Variants in SWAP70 observed in about 807,000 individuals in gnomAD.
SWAP70 encodes the protein switching B cell complex subunit SWAP70.
Under a neutral mutation model 80.2 loss-of-function variants are expected in SWAP70, and 34 were observed. The ratio of observed to expected loss-of-function variants is 0.42; its 90% CI spans 0.32 to 0.56. SWAP70 has a LOEUF of 0.56. Among genes scored for constraint, SWAP70 ranks in the 20% least tolerant of loss-of-function variants. The probability of loss-of-function intolerance (pLI) is 0.09; values close to 1 mark genes in which losing one functional copy is unlikely to be tolerated. For synonymous variants in SWAP70, 239 were observed against 238.5 expected (o/e 1.00, Z -0.02); for missense variants, 578 against 690.7 (o/e 0.84, Z 1.83).
At chr11:9,684,960 C>A (rs1467301868) in intron 1 of SWAP70, among the ~76,000 whole-genome samples, 1 of 152,154 alleles carries the variant, frequency 6.6e-6, no homozygotes, top group Admixed American at 6.6e-5. Flanking sequence ...AAGGAACTTA[C>A]AGAGTAGTGA....
At chr11:9,747,759 G>A (rs926588181) in intron 9 of SWAP70, 99 bp from the exon 10 acceptor site, 25 of 1,133,274 alleles carry the variant, frequency 2.2e-5, no homozygotes, top group Non-Finnish European at 2.9e-5. Flanking sequence ...GGGATTAGAC[G>A]ACCTCAAATA....
intron 1 of SWAP70, 83 bp downstream of exon 1, chr11:9,664,361 G>T: frequency 6.9e-7 from 1 of 1,446,752 alleles, no homozygotes. Flanking sequence ...GGACCTGGCG[G>T]GCCGTGACCG....
intron 2 of SWAP70, among the ~76,000 whole-genome samples, chr11:9,702,886 G>T (rs1244005344): frequency 1.3e-5 from 2 of 152,178 alleles, no homozygotes; most frequent in Non-Finnish European, 1.5e-5. Context: ...AGCAATGTGA[G>T]TCATGTACTG....
chr11:9,738,177 A>G (rs771081365), intron 7 of SWAP70, 36 bp from the exon 8 acceptor site: 6 of 1,518,950 alleles, frequency 4.0e-6, no homozygotes, highest in Non-Finnish European at 5.4e-6. Context: ...CTACTCTAAC[A>G]CCTGCTTTTC....
At position 9,664,380 on chromosome 11, in the gene SWAP70, G is replaced by C. The variant is rs540044485; in HGVS notation, c.99+102G>C. The C allele has an allele frequency of 2.6e-3, 3,558 of 1,365,390 alleles. 8 individuals are homozygous for C. Among genetic ancestry groups the C allele is most frequent in the Non-Finnish European group, 3.2e-3 (3,183 of 1,008,102 alleles). 84.6% of individuals were successfully genotyped at this position (1,365,390 alleles called of 1,614,324 possible). A position where few individuals can be genotyped will look rare whatever the true frequency, so the allele number is the denominator to read the frequency against. The stretch of plus-strand genomic sequence containing the variant: ...CTGGCGGGCCGTGACCGCAGGGCGG[G>C]GCGGGTCGGAATGCGCCCGGTAGGC... On this transcript the variant is annotated intron_variant, in intron 1 of 11. Coordinates refer to ENST00000318950, the MANE Select transcript of SWAP70 (RefSeq NM_015055.4).
chr11:9,744,015 T>C (rs1341174361), intron 9 of SWAP70, among the ~76,000 whole-genome samples: 2 of 148,408 alleles, frequency 1.3e-5, no homozygotes, highest in South Asian at 2.1e-4. Flanking sequence ...CAGACTGGAG[T>C]GTAGTGGCGT....
chr11:9,712,888 G>C (rs1025229860), intron 2 of SWAP70, among the ~76,000 whole-genome samples: 3 of 144,286 alleles, frequency 2.1e-5, no homozygotes, highest in Admixed American at 1.4e-4. Flanking sequence ...CTAGAGATGG[G>C]GTTTCTCCAT....
rs773805925 is a variant in SWAP70, at chr11:9,724,882, G to A, written c.639G>A (p.Lys213=). 4 of 1,572,534 alleles carry A rather than the reference G, an allele frequency of 2.5e-6. No individual in the cohort carries two copies. In the Admixed American group the frequency reaches 5.3e-5, roughly 21 times the overall value. The change falls in exon 4 of 12, where the codon AAG becomes AAA. Residue 213 remains lysine (K), a synonymous_variant. Transcript: ENST00000318950. ...ATGAACTTATATTAGATGTGTTAAA[G>A]CAGGTAAGAATTCTGTTACTGTTTT... ...VFNELILDVL[K]QGYMMKKGHR...
chr11:9,677,517 T>C (rs1234365736), intron 1 of SWAP70, among the ~76,000 whole-genome samples: 2 of 152,188 alleles, frequency 1.3e-5, no homozygotes, highest in Non-Finnish European at 2.9e-5. Context: ...TATTTCTAGC[T>C]TCTTCTGTTC....
At chr11:9,693,194 A>T (rs559986518) in intron 1 of SWAP70, among the ~76,000 whole-genome samples, 1 of 152,226 alleles carries the variant, frequency 6.6e-6, no homozygotes. Flanking sequence ...AACTAGGAAG[A>T]TTCTCTGTTG....
chr11:9,665,082 G>A (rs1850292421), intron 1 of SWAP70, among the ~76,000 whole-genome samples: 1 of 152,178 alleles, frequency 6.6e-6, no homozygotes, highest in Non-Finnish European at 1.5e-5. Context: ...CATTAAGCCA[G>A]CAGAAATTGG....
Position 9,751,412 on chromosome 11 carries a change from C to T in SWAP70, c.*1442C>T, listed in dbSNP as rs1177272441. 2 of 152,208 alleles carry T rather than the reference C, an allele frequency of 1.3e-5. No homozygotes were observed. Among genetic ancestry groups the T allele is most frequent in the Non-Finnish European group, 2.9e-5 (2 of 68,024 alleles). 9.4% of individuals were successfully genotyped at this position (152,208 alleles called of 1,614,324 possible). On this transcript the variant is annotated 3_prime_UTR_variant, in exon 12 of 12. Coordinates refer to ENST00000318950, the MANE Select transcript of SWAP70 (RefSeq NM_015055.4). Reference sequence around the variant, plus strand: ...AAGAACATTTATGAAATCAAGCCTTCTAACACTAGTTATAATTGAGAAGCA... The same window carrying T: ...AAGAACATTTATGAAATCAAGCCTTTTAACACTAGTTATAATTGAGAAGCA...
intron 2 of SWAP70, among the ~76,000 whole-genome samples, chr11:9,695,724 G>A (rs1348901349): frequency 6.6e-6 from 1 of 152,016 alleles, no homozygotes; most frequent in Non-Finnish European, 1.5e-5. Flanking sequence ...GTGCTGCACA[G>A]GTATCCGTTT....
At chr11:9,708,927 G>A (rs1053783256) in intron 2 of SWAP70, among the ~76,000 whole-genome samples, 1 of 152,114 alleles carries the variant, frequency 6.6e-6, no homozygotes, top group African/African-American at 2.4e-5. Context: ...ACAGAGTTGC[G>A]CTCTGTCACC....
intron 1 of SWAP70, among the ~76,000 whole-genome samples, chr11:9,667,868 A>T (rs950391891): frequency 1.3e-5 from 2 of 151,890 alleles, no homozygotes; most frequent in African/African-American, 4.8e-5. Flanking sequence ...TCCTATTTTC[A>T]CACTTTATTA....
chr11:9,726,892 A>G (rs1404973125), intron 4 of SWAP70: 1 of 456,304 alleles, frequency 2.2e-6, no homozygotes, highest in Admixed American at 2.3e-5. Flanking sequence ...CTCCTGGTGC[A>G]GTATTTTCCT....
At chr11:9,728,447 A>G (rs1372755838) in intron 5 of SWAP70, among the ~76,000 whole-genome samples, 1 of 152,214 alleles carries the variant, frequency 6.6e-6, no homozygotes, top group Non-Finnish European at 1.5e-5. Context: ...GGATTAAATC[A>G]TTTATTGGAA....
In SWAP70 at chr11:9,679,324, A is replaced by T. The variant is rs372998931; in HGVS notation, c.100-14822A>T. Among the ~76,000 whole-genome samples, 12 of 152,296 alleles carry T rather than the reference A, an allele frequency of 7.9e-5. No individual in the cohort carries two copies. In the East Asian group the frequency reaches 1.9e-3, roughly 24 times the overall value. ...GATGAAAGTTGTTCTGGTCATATGG[A>T]CAGTGTTGGAAGGTATTACATTCCA... On this transcript the variant is annotated intron_variant, in intron 1 of 11. Coordinates refer to ENST00000318950, the MANE Select transcript of SWAP70 (RefSeq NM_015055.4).
intron 1 of SWAP70, among the ~76,000 whole-genome samples, chr11:9,665,173 C>A (rs1390939780): frequency 6.6e-6 from 1 of 152,140 alleles, no homozygotes; most frequent in African/African-American, 2.4e-5. Context: ...TATTTTAGAT[C>A]CGAATGTCCG....
Sources: gnomAD v4.1 joint callset for allele counts (sites outside exome capture counted in the v4.1 genomes callset) on GRCh38, gnomAD v4.1.1 for gene constraint, MANE v1.5 for transcripts, NCBI Gene and HGNC (gene_info 2026-07-23, HGNC 2026-07-21) for gene names.